Variants in KLHL26 observed in about 807,000 individuals in gnomAD.
The protein encoded by KLHL26 is kelch like family member 26.
In KLHL26, 4 loss-of-function variants were observed where a neutral mutation model predicts 7.1. That is an observed-to-expected ratio of 0.56 (90% CI 0.28 to 1.28). The LOEUF (loss-of-function observed/expected upper bound fraction) is 1.28, where lower values mean the gene tolerates loss of function less well. Among genes scored for constraint, KLHL26 ranks in the 50% most tolerant of loss-of-function variants. The probability of loss-of-function intolerance (pLI) is 0.11; values close to 1 mark genes in which losing one functional copy is unlikely to be tolerated. For synonymous variants in KLHL26, 465 were observed against 414.1 expected (o/e 1.12, Z -1.49); for missense variants, 896 against 924.6 (o/e 0.97, Z 0.40).
chr19:18,649,068 G>A lies in KLHL26; in HGVS notation c.83+11931G>A, dbSNP rs757559988. On this transcript the variant is annotated intron_variant, in intron 1 of 2. Coordinates refer to ENST00000300976, the MANE Select transcript of KLHL26 (RefSeq NM_018316.3). The surrounding 1 kb of genome is among the most constrained non-coding windows in gnomAD (Gnocchi z 4.0). The stretch of plus-strand genomic sequence containing the variant: ...ACGGCTCTGCTGGGCTCTGAAGCAC[G>A]CTCACTGGAATGTCCTGTCCCAGTG... Among the ~76,000 whole-genome samples the A allele has an allele frequency of 6.6e-6, 1 of 152,176 alleles. No homozygotes were observed.
chr19:18,662,674 G>A (rs1432320469), intron 1 of KLHL26, among the ~76,000 whole-genome samples: 1 of 152,210 alleles, frequency 6.6e-6, no homozygotes, highest in Admixed American at 6.5e-5. Flanking sequence ...CTGCCCTGGA[G>A]ATGTCCAGGC....
At position 18,669,180 on chromosome 19, in the gene KLHL26, C is replaced by G; in HGVS notation, c.1783C>G (p.Pro595Ala). The part of the protein sequence containing the change: ...TDEWERDLHF[P>A]ESFAGIACAP... The stretch of plus-strand genomic sequence containing the variant: ...CGAGTGGGAGCGGGACCTGCACTTC[C>G]CGGAGTCCTTCGCAGGCATAGCCTG... The change falls in exon 3 of 3, where the codon CCG (proline) becomes GCG (alanine). Residue 595 changes from proline to alanine, a missense_variant. Transcript: ENST00000300976. 1 of 1,612,692 alleles carries G rather than the reference C, an allele frequency of 6.2e-7. No individual in the cohort carries two copies. The highest frequency in any genetic ancestry group is 1.3e-5 in the African/African-American group (1 of 75,044).
At chr19:18,665,348 G>C (rs548818724) in intron 2 of KLHL26, among the ~76,000 whole-genome samples, 2 of 152,200 alleles carry the variant, frequency 1.3e-5, no homozygotes, top group Non-Finnish European at 2.9e-5. Context: ...GAGCCACTGC[G>C]CCCAGCCCAA....
At position 18,650,185 on chromosome 19, in the gene KLHL26, C is replaced by T. The variant is rs944805510; in HGVS notation, c.83+13048C>T. 4.0e-5 allele frequency among the ~76,000 whole-genome samples: 6 copies of T among 151,894 alleles called. No individual in the cohort carries two copies. The highest frequency in any genetic ancestry group is 1.2e-4 in the African/African-American group (5 of 41,424). On this transcript the variant is annotated intron_variant, in intron 1 of 2. Coordinates refer to ENST00000300976, the MANE Select transcript of KLHL26 (RefSeq NM_018316.3). This position sits in a 1 kb window ranked among gnomAD's most constrained non-coding sequence, Gnocchi z 4.2. ...ATTCCACAGGGGTCAAAGACGGACC[C>T]GGGCGGGAGCGGTCTGGGCTGGATA...
At position 18,671,490 on chromosome 19, in the gene KLHL26, C is replaced by T. The variant is rs1223945895; in HGVS notation, c.*2245C>T. The T allele has an allele frequency of 2.6e-5, 4 of 152,254 alleles. No individual in the cohort carries two copies. Among genetic ancestry groups the T allele is most frequent in the African/African-American group, 4.8e-5 (2 of 41,426 alleles). 9.4% of individuals were successfully genotyped at this position (152,254 alleles called of 1,614,324 possible). The stretch of plus-strand genomic sequence containing the variant: ...GCTGCAAGTCCCCTGGATCAGCTCA[C>T]ACCTCAGAACATCTTGTCCCCAGTG... On this transcript the variant is annotated 3_prime_UTR_variant, in exon 3 of 3. Coordinates refer to ENST00000300976, the MANE Select transcript of KLHL26 (RefSeq NM_018316.3).
chr19:18,668,852 C>T lies in KLHL26; in HGVS notation c.1455C>T (p.Ala485=), dbSNP rs762886900. The T allele has an allele frequency of 3.8e-6, 6 of 1,592,196 alleles. No individual in the cohort carries two copies. The highest frequency in any genetic ancestry group is 1.1e-5 in the South Asian group (1 of 90,328). ...CCCTGCACTGCTACGACCCCGTGGC[C>T]GACCAGTGGGAGTTCAAGGCGCCCA... ...KKALHCYDPV[A]DQWEFKAPMS... The change falls in exon 3 of 3, where the codon GCC becomes GCT. Residue 485 remains alanine (A), a synonymous_variant. Coordinates refer to ENST00000300976, the MANE Select transcript of KLHL26 (RefSeq NM_018316.3).
At chr19:18,664,210 AGT>A in intron 1 of KLHL26, 49 bp from the exon 2 acceptor site, 38 of 1,491,716 alleles carry the variant, frequency 2.5e-5, no homozygotes, top group South Asian at 6.3e-5. Flanking sequence ...TCAAGGTAAT[AGT>A]GTGTGTGTGA....
At position 18,667,764 on chromosome 19, in the gene KLHL26, A is replaced by G. The variant is rs1488056087; in HGVS notation, c.367A>G (p.Ser123Gly). 4 of 1,613,194 alleles carry G rather than the reference A, an allele frequency of 2.5e-6. No homozygotes were observed. Among genetic ancestry groups the G allele is most frequent in the Non-Finnish European group, 3.4e-6 (4 of 1,180,000 alleles). Residue 123 changes from serine to glycine, a missense_variant, in exon 3 of 3, where the codon AGC (serine) becomes GGC (glycine). Ser to Gly is a moderately conservative substitution (Grantham distance 56). Coordinates refer to ENST00000300976, the MANE Select transcript of KLHL26 (RefSeq NM_018316.3). Reference sequence around the variant, plus strand: ...GCGGCACATCATCGACTTCGCCTACAGCGCCGAGGTGACACTGGACCTGGA... The same window carrying G: ...GCGGCACATCATCGACTTCGCCTACGGCGCCGAGGTGACACTGGACCTGGA... ...GLRHIIDFAY[S>G]AEVTLDLDCV...
At position 18,668,688 on chromosome 19, in the gene KLHL26, G is replaced by A. The variant is rs1168841838; in HGVS notation, c.1291G>A (p.Glu431Lys). The part of the protein sequence containing the change: ...RNRAGSLASV[E>K]RYCPRRNEWG... ...CCGAGCCGGCAGCCTGGCCTCCGTG[G>A]AGCGGTACTGCCCCCGGCGCAATGA... is the stretch of plus-strand genomic sequence containing the variant. The change falls in exon 3 of 3, where the codon GAG becomes AAG. Residue 431 changes from glutamate (E) to lysine (K), a missense_variant. Transcript: ENST00000300976. The A allele has an allele frequency of 1.3e-6, 2 of 1,575,948 alleles. No individual in the cohort carries two copies. Among genetic ancestry groups the A allele is most frequent in the Non-Finnish European group, 1.7e-6 (2 of 1,165,346 alleles).
chr19:18,664,212 T>TGTGTGTGTGA, intron 1 of KLHL26, 49 bp from the exon 2 acceptor site: 1 of 1,468,272 alleles, frequency 6.8e-7, no homozygotes, highest in Non-Finnish European at 9.2e-7. Flanking sequence ...AAGGTAATAG[T>TGTGTGTGTGA]GTGTGTGTGA....
intron 1 of KLHL26, among the ~76,000 whole-genome samples, chr19:18,663,731 A>G (rs1484765673): frequency 6.6e-6 from 1 of 150,440 alleles, no homozygotes; most frequent in Non-Finnish European, 1.5e-5. Flanking sequence ...GATCCGTTCA[A>G]CAGTTTCCCC....
intron 1 of KLHL26, among the ~76,000 whole-genome samples, chr19:18,637,937 ATTGCTTGAACGTCCAGGT>A (rs1976648769): frequency 1.3e-5 from 2 of 152,122 alleles, no homozygotes; most frequent in Non-Finnish European, 2.9e-5. Context: ...CCTGACATGG[ATTGCTTGAACGTCCAGGT>A]TTGCATGACA....
At chr19:18,647,064 A>G (rs1444954955) in intron 1 of KLHL26, among the ~76,000 whole-genome samples, 2 of 152,250 alleles carry the variant, frequency 1.3e-5, no homozygotes, top group East Asian at 3.9e-4. Context: ...CATCCAGGCC[A>G]CTCGATCTGC....
intron 1 of KLHL26, among the ~76,000 whole-genome samples, chr19:18,651,686 C>T (rs1253630465): frequency 2.0e-5 from 3 of 152,270 alleles, no homozygotes; most frequent in Non-Finnish European, 4.4e-5. Flanking sequence ...GGCTTCAACA[C>T]CTGTCCTGCC....
At position 18,669,259 on chromosome 19, in the gene KLHL26, C is replaced by CG. The variant is rs749601777; in HGVS notation, c.*17dup. The CG allele has an allele frequency of 1.3e-6, 2 of 1,597,338 alleles. No individual in the cohort carries two copies. Among genetic ancestry groups the CG allele is most frequent in the Non-Finnish European group, 8.5e-7 (1 of 1,173,212 alleles). ...ACCAGGAGGTAGCCCCCAAGACCCC[C>CG]GGGACCCTGGCCTGACCGCATGTTG... On this transcript the variant is annotated 3_prime_UTR_variant, in exon 3 of 3. Transcript: ENST00000300976.
Position 18,642,338 on chromosome 19 carries a change from AGTGT to A in KLHL26, c.83+5242_83+5245del, listed in dbSNP as rs1204260630. Among the ~76,000 whole-genome samples, 797 of 123,848 alleles carry A rather than the reference AGTGT, an allele frequency of 6.4e-3. 4 individuals carry two copies. The highest frequency in any genetic ancestry group is 0.028 in the Middle Eastern group (7 of 250). 81.2% of individuals were successfully genotyped at this position (123,848 alleles called of 152,430 possible). A position where few individuals can be genotyped will look rare whatever the true frequency, so the allele number is the denominator to read the frequency against. ...CCCAGGACACTTTTGCTAGTCACCT[AGTGT>A]GTGTGTGTGTGTGTGTGTGTGTGTG... On this transcript the variant is annotated intron_variant, in intron 1 of 2. Transcript: ENST00000300976.
rs2052242653 is a variant in KLHL26 at position 18,650,651 on chromosome 19, C to T, written c.83+13514C>T. On this transcript the variant is annotated intron_variant, in intron 1 of 2. Coordinates refer to ENST00000300976, the MANE Select transcript of KLHL26 (RefSeq NM_018316.3). This position sits in a 1 kb window ranked among gnomAD's most constrained non-coding sequence, Gnocchi z 4.2. ...CACAGATGACGGGTGATGTTTTCCTCGCCAAGGCTGATGGCACCGGGCCCC... is the reference window on the plus strand; with the variant it reads ...CACAGATGACGGGTGATGTTTTCCTTGCCAAGGCTGATGGCACCGGGCCCC... Among the ~76,000 whole-genome samples the T allele has an allele frequency of 6.6e-6, 1 of 152,194 alleles. No homozygotes were observed. Among genetic ancestry groups the T allele is most frequent in the African/African-American group, 2.4e-5 (1 of 41,450 alleles).
In KLHL26 at chr19:18,656,074, C is replaced by T. The variant is rs2145394509; in HGVS notation, c.84-8187C>T. On this transcript the variant is annotated intron_variant, in intron 1 of 2. Coordinates refer to ENST00000300976, the MANE Select transcript of KLHL26 (RefSeq NM_018316.3). The surrounding 1 kb of genome is among the most constrained non-coding windows in gnomAD (Gnocchi z 4.4). The stretch of plus-strand genomic sequence containing the variant: ...CACCCCCATGCTCCTGAGATGACAG[C>T]TTGCAAACCACTGCACCTCTAACCC... Among the ~76,000 whole-genome samples, 1 of 152,296 alleles carries T rather than the reference C, an allele frequency of 6.6e-6. No individual in the cohort carries two copies. Among genetic ancestry groups the T allele is most frequent in the South Asian group, 2.1e-4 (1 of 4,828 alleles).
intron 2 of KLHL26, 85 bp downstream of exon 2, chr19:18,664,528 G>T (rs1029766847): frequency 2.7e-6 from 3 of 1,107,242 alleles, no homozygotes; most frequent in Non-Finnish European, 3.8e-6. Flanking sequence ...TCTAAAGGGG[G>T]CCTGTCTCAG....
Sources: gnomAD v4.1 joint callset for allele counts (sites outside exome capture counted in the v4.1 genomes callset) on GRCh38, gnomAD v4.1.1 for gene constraint, Gnocchi (gnomAD v3.1) non-coding constraint, MANE v1.5 for transcripts, NCBI Gene and HGNC (gene_info 2026-07-23, HGNC 2026-07-21) for gene names.